Variants in SCHIP1 observed in about 807,000 individuals in gnomAD.
SCHIP1 encodes schwannomin interacting protein 1, also known as schwannomin-interacting protein 1.
SCHIP1 carries 8 observed loss-of-function variants against 29.7 expected under a neutral mutation model. The observed-to-expected ratio is 0.27, with a 90% CI of 0.16 to 0.49. The LOEUF (loss-of-function observed/expected upper bound fraction) is 0.49. Among genes scored for constraint, SCHIP1 ranks in the 20% least tolerant of loss-of-function variants. SCHIP1 has a pLI of 0.99. For synonymous variants in SCHIP1, 76 were observed against 94.9 expected (o/e 0.80, Z 1.16); for missense variants, 193 against 294.6 (o/e 0.66, Z 2.52).
the SCHIP1 span, among the ~76,000 whole-genome samples, chr3:159,780,505 C>T: frequency 4.6e-5 from 7 of 152,166 alleles, no homozygotes; most frequent in African/African-American, 1.4e-4. Context: ...CATTAAATAT[C>T]GAAGGTGTAA....
At chr3:159,517,778 A>AT in the SCHIP1 span, among the ~76,000 whole-genome samples, 6 of 152,170 alleles carry the variant, frequency 3.9e-5, no homozygotes, top group African/African-American at 1.4e-4. Context: ...AAACCAACTG[A>AT]TTAACATTCA....
At chr3:159,623,297 A>G in the SCHIP1 span, among the ~76,000 whole-genome samples, 1 of 152,332 alleles carries the variant, frequency 6.6e-6, no homozygotes, top group South Asian at 2.1e-4. Flanking sequence ...AGGAATGGGA[A>G]ACTTGAGAAG....
the SCHIP1 span, among the ~76,000 whole-genome samples, chr3:159,495,917 T>A: frequency 1.3e-5 from 2 of 152,100 alleles, no homozygotes; most frequent in East Asian, 3.9e-4. Context: ...TATAGACCAA[T>A]GGAATACAAC....
At chr3:159,671,189 C>T in the SCHIP1 span, among the ~76,000 whole-genome samples, 1 of 152,154 alleles carries the variant, frequency 6.6e-6, no homozygotes, top group Non-Finnish European at 1.5e-5. Flanking sequence ...TACCATCCCC[C>T]AGCTAAGTCA....
the SCHIP1 span, among the ~76,000 whole-genome samples, chr3:159,691,740 G>T: frequency 1.2e-4 from 19 of 152,180 alleles, no homozygotes; most frequent in South Asian, 4.2e-4. Flanking sequence ...ACTAGTACCA[G>T]TTTTTCCTTC....
the SCHIP1 span, among the ~76,000 whole-genome samples, chr3:159,788,308 A>T: frequency 5.9e-5 from 9 of 152,322 alleles, no homozygotes; most frequent in African/African-American, 2.2e-4. Context: ...ACTGATAGGG[A>T]TCTACTCTAA....
the SCHIP1 span, among the ~76,000 whole-genome samples, chr3:159,369,562 T>C: frequency 1.3e-5 from 2 of 152,188 alleles, no homozygotes; most frequent in African/African-American, 2.4e-5. Context: ...TGCAAAGATA[T>C]ATTGTTTCTT....
At chr3:159,492,243 T>A in the SCHIP1 span, among the ~76,000 whole-genome samples, 1 of 152,144 alleles carries the variant, frequency 6.6e-6, no homozygotes, top group African/African-American at 2.4e-5. Flanking sequence ...GGAACAAAGC[T>A]GGACAGAGAA....
At chr3:159,815,689 A>G in the SCHIP1 span, among the ~76,000 whole-genome samples, 1 of 151,902 alleles carries the variant, frequency 6.6e-6, no homozygotes, top group Non-Finnish European at 1.5e-5. Context: ...TTCAAAAGTA[A>G]CTCATCATCA....
At chr3:159,545,646 C>T in the SCHIP1 span, among the ~76,000 whole-genome samples, 2 of 146,454 alleles carry the variant, frequency 1.4e-5, no homozygotes, top group Non-Finnish European at 1.5e-5. Flanking sequence ...ATACAATATA[C>T]ATATATACAA....
At chr3:159,868,729 T>C (rs1714920291) in intron 2 of SCHIP1, among the ~76,000 whole-genome samples, 1 of 152,116 alleles carries the variant, frequency 6.6e-6, no homozygotes, top group Non-Finnish European at 1.5e-5. Context: ...TCAAAGGTTT[T>C]GCTCTTGTAA....
the SCHIP1 span, among the ~76,000 whole-genome samples, chr3:159,723,694 A>T: frequency 6.6e-6 from 1 of 152,242 alleles, no homozygotes; most frequent in African/African-American, 2.4e-5. Flanking sequence ...ACATCATAAG[A>T]CACCTCTTCT....
chr3:159,419,749 C>T, the SCHIP1 span, among the ~76,000 whole-genome samples: 1 of 152,100 alleles, frequency 6.6e-6, no homozygotes. Context: ...GCGGAGGTTG[C>T]AGTGAGCCAA....
the SCHIP1 span, among the ~76,000 whole-genome samples, chr3:159,429,350 C>T: frequency 6.6e-6 from 1 of 151,932 alleles, no homozygotes; most frequent in African/African-American, 2.4e-5. Flanking sequence ...AATACAAATT[C>T]CTTATCTCTC....
At chr3:159,341,792 C>A in the SCHIP1 span, among the ~76,000 whole-genome samples, 1 of 152,046 alleles carries the variant, frequency 6.6e-6, no homozygotes, top group East Asian at 1.9e-4. Context: ...AACCAAAAGT[C>A]CTGTTCAAAT....
At chr3:159,854,248 C>T (rs564184282) in intron 1 of SCHIP1, among the ~76,000 whole-genome samples, 1 of 152,266 alleles carries the variant, frequency 6.6e-6, no homozygotes, top group East Asian at 1.9e-4. Context: ...AAACTTGCTA[C>T]TTAATTTTTA....
chr3:159,601,095 A>C, the SCHIP1 span, among the ~76,000 whole-genome samples: 6 of 152,166 alleles, frequency 3.9e-5, no homozygotes, highest in African/African-American at 1.4e-4. Flanking sequence ...GGTGGTGTAC[A>C]CTGGCATTTG....
At chr3:159,435,073 C>G in the SCHIP1 span, among the ~76,000 whole-genome samples, 1 of 152,122 alleles carries the variant, frequency 6.6e-6, no homozygotes, top group Non-Finnish European at 1.5e-5. Flanking sequence ...ACTGTGCACA[C>G]TTTAACACTC....
chr3:159,677,402 C>T, the SCHIP1 span, among the ~76,000 whole-genome samples: 1 of 152,038 alleles, frequency 6.6e-6, no homozygotes, highest in African/African-American at 2.4e-5. Context: ...CAGACAACGC[C>T]CCATGGTTCA....
Sources: allele counts gnomAD v4.1 joint callset (sites outside exome capture counted in the v4.1 genomes callset), GRCh38; gene constraint gnomAD v4.1.1; transcripts MANE v1.5; gene names NCBI Gene and HGNC (gene_info 2026-07-23, HGNC 2026-07-21).